Variants in GSTK1 observed in about 807,000 individuals in gnomAD.
GSTK1 encodes glutathione S-transferase kappa 1, also known as GST class-kappa.
A neutral mutation model predicts 30.9 loss-of-function variants in GSTK1; 25 were observed. The ratio of observed to expected loss-of-function variants is 0.81; its 90% CI spans 0.59 to 1.13. The LOEUF (loss-of-function observed/expected upper bound fraction) is 1.13. Ranked by LOEUF, GSTK1 falls within the 50% of genes most tolerant of loss-of-function variation. The pLI, the probability that GSTK1 is intolerant of heterozygous loss-of-function variation, is 0.00. For missense variants in GSTK1, 292 were observed against 292.4 expected, an observed-to-expected ratio of 1.00 and a Z score of 0.01; for synonymous variants, 108 against 112.5, an observed-to-expected ratio of 0.96 and a Z score of 0.25.
At position 143,265,051 on chromosome 7, in the gene GSTK1, G is replaced by A. The variant is rs368166019; in HGVS notation, c.343G>A (p.Glu115Lys). 1 of 1,614,220 alleles carries A rather than the reference G, an allele frequency of 6.2e-7. No individual in the cohort carries two copies. Among genetic ancestry groups the A allele is most frequent in the Non-Finnish European group, 8.5e-7 (1 of 1,180,044 alleles). Residue 115 changes from glutamate to lysine, a missense_variant, in exon 4 of 8, where the codon GAG becomes AAG. Physicochemically the swap from Glu to Lys is moderately conservative, Grantham distance 56. Coordinates refer to ENST00000358406, the MANE Select transcript of GSTK1 (RefSeq NM_015917.3). ...AVNLEHPEMLEKASRELWMRV... is the reference protein window; with the variant it reads ...AVNLEHPEMLKKASRELWMRV... ...GAACTTGGAGCATCCAGAGATGCTG[G>A]AGAAAGCGTCCCGGGAGCTGTGGAT...
In GSTK1 at chr7:143,265,328, CAT is replaced by C. The variant is rs1265365342; in HGVS notation, c.420+34_420+35del. 1.5e-5 allele frequency: 23 copies of C among 1,555,380 alleles called. No homozygotes were observed. In the Admixed American group the frequency reaches 4.0e-4, roughly 27 times the overall value. The stretch of plus-strand genomic sequence containing the variant: ...GTCCTGGCTCCACCCCAACTGCACT[CAT>C]AGAGAATCTGAGAACAGTTGGCGTT... On this transcript the variant is annotated intron_variant, in intron 5 of 7. Coordinates refer to ENST00000358406, the MANE Select transcript of GSTK1 (RefSeq NM_015917.3).
chr7:143,268,214 C>G lies in GSTK1; in HGVS notation c.631+30C>G, dbSNP rs747932675. On this transcript the variant is annotated intron_variant, in intron 7 of 7. Transcript: ENST00000358406. This position sits in a 1 kb window ranked among gnomAD's most constrained non-coding sequence, Gnocchi z 4.1. ...GTAAGTTAAAGAATCAACCCTGAGCCAGGTGCAGTGGCTCACGCCTGTAAT... is the reference window on the plus strand; with the variant it reads ...GTAAGTTAAAGAATCAACCCTGAGCGAGGTGCAGTGGCTCACGCCTGTAAT... 4.5e-6 allele frequency: 7 copies of G among 1,561,378 alleles called. No homozygotes were observed. Among genetic ancestry groups the G allele is most frequent in the Non-Finnish European group, 6.2e-6 (7 of 1,135,428 alleles).
chr7:143,265,276 G>C lies in GSTK1; in HGVS notation c.400G>C (p.Glu134Gln), dbSNP rs756520317. ...RVWSRNEDIT[E>Q]PQSILAAAEK... ...TTCTTCCCAGAATGAAGACATCACC[G>C]AGCCGCAGAGCATCCTGGCGGTGAG... Residue 134 changes from glutamate to glutamine, a missense_variant, in exon 5 of 8, where the codon GAG (glutamate) becomes CAG (glutamine). Transcript: ENST00000358406. The C allele has an allele frequency of 7.5e-6, 12 of 1,603,630 alleles. No homozygotes were observed. The highest frequency in any genetic ancestry group is 1.0e-5 in the Non-Finnish European group (12 of 1,174,850).
Position 143,267,016 on chromosome 7 carries a change from G to A in GSTK1, c.421-601G>A, listed in dbSNP as rs115964425. ...TTTTTAAAGCTCCTCAGGAGTTTCA[G>A]ATGGGCAGCCAAAGTTAAGAACCAT... On this transcript the variant is annotated intron_variant, in intron 5 of 7. Coordinates refer to ENST00000358406, the MANE Select transcript of GSTK1 (RefSeq NM_015917.3). Among the ~76,000 whole-genome samples the A allele has an allele frequency of 5.7e-3, 875 of 152,226 alleles. 10 individuals are homozygous for A. Among genetic ancestry groups the A allele is most frequent in the African/African-American group, 0.019 (790 of 41,520 alleles).
intron 6 of GSTK1, 46 bp downstream of exon 6, chr7:143,267,779 G>T: frequency 1.5e-6 from 2 of 1,323,650 alleles, no homozygotes; most frequent in Non-Finnish European, 2.2e-6. Context: ...CCTGAAGATG[G>T]AGACTTGAGA....
In GSTK1 at chr7:143,264,363, G is replaced by C; in HGVS notation, c.155-185G>C. 3 of 780,434 alleles carry C rather than the reference G, an allele frequency of 3.8e-6. No homozygotes were observed. The South Asian group carries it at 5.0e-5, about 13-fold the overall frequency. The allele number at this position is 780,434 out of a possible 1,614,324, so 48.3% of individuals were successfully genotyped here. On this transcript the variant is annotated intron_variant, in intron 2 of 7. Coordinates refer to ENST00000358406, the MANE Select transcript of GSTK1 (RefSeq NM_015917.3). The stretch of plus-strand genomic sequence containing the variant: ...GGAGGCTGAGGCGGGAGAATCGCTT[G>C]AACCCAGGAGGCGGAGGTTGCGGTG...
chr7:143,269,098 A>C lies in GSTK1; in HGVS notation c.*261A>C. 5 of 507,476 alleles carry C rather than the reference A, an allele frequency of 9.9e-6. No homozygotes were observed. Among genetic ancestry groups the C allele is most frequent in the East Asian group, 3.6e-5 (1 of 27,676 alleles). 31.4% of individuals were successfully genotyped at this position (507,476 alleles called of 1,614,324 possible). ...TCTGCTTTCCCACAAAATAAACCTAATGCCATCAGGCAAAACATTTCTGTG... is the reference window on the plus strand; with the variant it reads ...TCTGCTTTCCCACAAAATAAACCTACTGCCATCAGGCAAAACATTTCTGTG... On this transcript the variant is annotated 3_prime_UTR_variant, in exon 8 of 8. Coordinates refer to ENST00000358406, the MANE Select transcript of GSTK1 (RefSeq NM_015917.3).
chr7:143,267,155 G>T (rs1450038114), intron 5 of GSTK1, among the ~76,000 whole-genome samples: 1 of 152,120 alleles, frequency 6.6e-6, no homozygotes, highest in East Asian at 1.9e-4. Context: ...AGTTCCACTG[G>T]AATTACAGCC....
chr7:143,264,305 TG>T, intron 2 of GSTK1, 138 bp downstream of exon 2: 1 of 812,388 alleles, frequency 1.2e-6, no homozygotes, highest in Non-Finnish European at 2.0e-6. Flanking sequence ...TAGCCGGGCG[TG>T]GTAGTGCATG....
Position 143,268,988 on chromosome 7 carries a change from C to G in GSTK1, c.*151C>G, listed in dbSNP as rs1586428873. 2 of 698,426 alleles carry G rather than the reference C, an allele frequency of 2.9e-6. No individual in the cohort carries two copies. Among genetic ancestry groups the G allele is most frequent in the East Asian group, 2.7e-5 (1 of 36,804 alleles). The allele number at this position is 698,426 out of a possible 1,614,324, so 43.3% of individuals were successfully genotyped here. A position where few individuals can be genotyped will look rare whatever the true frequency, so the allele number is the denominator to read the frequency against. On this transcript the variant is annotated 3_prime_UTR_variant, in exon 8 of 8. Transcript: ENST00000358406. The surrounding 1 kb of genome is among the most constrained non-coding windows in gnomAD (Gnocchi z 4.1). ...GAGCTGTCTGTCTTTCCCCTACCCC[C>G]AAGGATGCCAGGAAGACGTCCACCA...
intron 3 of GSTK1, 158 bp downstream of exon 3, chr7:143,264,834 C>A: frequency 7.8e-7 from 1 of 1,277,230 alleles, no homozygotes; most frequent in Non-Finnish European, 1.1e-6. Context: ...GGTTGCCGGG[C>A]ATGAAAGGGA....
rs1800770076 is a variant in GSTK1, at chr7:143,263,499, T to C, written c.-15T>C. 1 of 1,608,128 alleles carries C rather than the reference T, an allele frequency of 6.2e-7. No individual in the cohort carries two copies. The highest frequency in any genetic ancestry group is 1.7e-5 in the Admixed American group (1 of 59,996). ...AAGGAGCTCCTGCTGCCACTGCTCT[T>C]CCGGAGCCTGCAGCATGGGGCCCCT... On this transcript the variant is annotated 5_prime_UTR_variant, in exon 1 of 8. Coordinates refer to ENST00000358406, the MANE Select transcript of GSTK1 (RefSeq NM_015917.3).
intron 2 of GSTK1, 97 bp downstream of exon 2, chr7:143,264,264 C>T: frequency 9.3e-7 from 1 of 1,080,594 alleles, no homozygotes; most frequent in Non-Finnish European, 1.4e-6. Flanking sequence ...GAAAGCTGCC[C>T]TCTGCCCCGT....
At position 143,264,647 on chromosome 7, in the gene GSTK1, A is replaced by G; in HGVS notation, c.254A>G (p.Lys85Arg). 1 of 1,614,092 alleles carries G rather than the reference A, an allele frequency of 6.2e-7. No homozygotes were observed. The highest frequency in any genetic ancestry group is 1.3e-5 in the African/African-American group (1 of 75,042). ...CTCCAGATTCCCATCCACTTCCCCAAGGATTTCTTGTCTGTGATGCTTGAA... is the reference window on the plus strand; with the variant it reads ...CTCCAGATTCCCATCCACTTCCCCAGGGATTTCTTGTCTGTGATGCTTGAA... ...HHLQIPIHFP[K>R]DFLSVMLEKG... The change falls in exon 3 of 8, where the codon AAG becomes AGG. Residue 85 changes from lysine (K) to arginine (R), a missense_variant. Transcript: ENST00000358406.
intron 4 of GSTK1, 35 bp from the exon 5 acceptor site, chr7:143,265,226 C>T (rs764917925): frequency 3.7e-6 from 6 of 1,605,000 alleles, no homozygotes; most frequent in East Asian, 4.5e-5. Context: ...CCCCTCTCCC[C>T]GCACCGCCTT....
chr7:143,264,195 G>A lies in GSTK1; in HGVS notation c.154+28G>A, dbSNP rs745413573. On this transcript the variant is annotated intron_variant, in intron 2 of 7. Transcript: ENST00000358406. ...AGGAAGGGAGGGTCGGGGCAGGGGTGATCTCAGTGGCCCAAGAGAGCCGAC... is the reference window on the plus strand; with the variant it reads ...AGGAAGGGAGGGTCGGGGCAGGGGTAATCTCAGTGGCCCAAGAGAGCCGAC... 8 of 1,590,950 alleles carry A rather than the reference G, an allele frequency of 5.0e-6. No individual in the cohort carries two copies. The East Asian group carries it at 1.8e-4, about 36-fold the overall frequency.
At chr7:143,267,563 A>G in intron 5 of GSTK1, 54 bp from the exon 6 acceptor site, 10 of 1,355,366 alleles carry the variant, frequency 7.4e-6, no homozygotes, top group Non-Finnish European at 7.4e-6. Flanking sequence ...TTCCTCTGAG[A>G]TCCCCATCCA....
chr7:143,267,578 C>A, intron 5 of GSTK1, 39 bp from the exon 6 acceptor site: 1 of 1,447,198 alleles, frequency 6.9e-7, no homozygotes, highest in Non-Finnish European at 9.7e-7. Flanking sequence ...CATCCAATAT[C>A]ATGCAGACAC....
rs766351933 is a variant in GSTK1, at chr7:143,264,536, T to C, written c.155-12T>C. 6 of 1,613,900 alleles carry C rather than the reference T, an allele frequency of 3.7e-6. No homozygotes were observed. The highest frequency in any genetic ancestry group is 5.1e-6 in the Non-Finnish European group (6 of 1,179,826). On this transcript the variant is annotated splice_polypyrimidine_tract_variant and intron_variant, in intron 2 of 7. Transcript: ENST00000358406. ...CTTTTCTCACTTAGCGTGCCCAACC[T>C]TCTCCTGGCAGGAAACAAGCCTCCA...
Sources: gnomAD v4.1 joint callset for allele counts (sites outside exome capture counted in the v4.1 genomes callset) on GRCh38, gnomAD v4.1.1 for gene constraint, Gnocchi (gnomAD v3.1) non-coding constraint, MANE v1.5 for transcripts, NCBI Gene and HGNC (gene_info 2026-07-23, HGNC 2026-07-21) for gene names.